The following SPG7 variants were observed in gnomAD, a reference collection of about 807,000 sequenced individuals.
SPG7 encodes SPG7 matrix AAA peptidase subunit, paraplegin, also known as mitochondrial inner membrane m-AAA protease component paraplegin.
A neutral mutation model predicts 81.9 loss-of-function variants in SPG7; 103 were observed. That is an observed-to-expected ratio of 1.26 (90% confidence interval 1.07 to 1.48). SPG7 has a LOEUF of 1.48. Ranked by LOEUF, SPG7 falls within the 40% of genes most tolerant of loss-of-function variation. The pLI, the probability that SPG7 is intolerant of heterozygous loss-of-function variation, is 0.00. For synonymous variants in SPG7, 534 were observed against 444.2 expected, an observed-to-expected ratio of 1.20 and a Z score of -2.54; for missense variants, 1,241 against 1,087.3, an observed-to-expected ratio of 1.14 and a Z score of -1.99.
At chr16:89,548,781 C>T in intron 12 of SPG7, 1 of 378,338 alleles carries the variant, frequency 2.6e-6, no homozygotes. Context: ...TGGCAACACC[C>T]AGACGTGATC....
intron 9 of SPG7, 140 bp from the exon 10 acceptor site, chr16:89,544,508 C>T (rs2058538199): frequency 1.0e-6 from 1 of 972,400 alleles, no homozygotes; most frequent in Admixed American, 1.9e-5. Context: ...GCTCCTAGTT[C>T]AGAAGGACCG....
intron 12 of SPG7, chr16:89,549,208 A>G (rs752881533): frequency 2.2e-6 from 1 of 456,844 alleles, no homozygotes; most frequent in Non-Finnish European, 4.4e-6. Context: ...ACTGAGTGGG[A>G]ACCACAAGCC....
At chr16:89,518,863 C>A in intron 3 of SPG7, 1 of 152,354 alleles carries the variant, frequency 6.6e-6, no homozygotes, top group Non-Finnish European at 1.5e-5. Flanking sequence ...CATGGGATGA[C>A]CCCGGGGAGC....
Position 89,544,763 on chromosome 16 carries a change from C to A in SPG7, c.1440C>A (p.Pro480=). The A allele has an allele frequency of 6.2e-7, 1 of 1,614,064 alleles. No individual in the cohort carries two copies. The highest frequency in any genetic ancestry group is 8.5e-7 in the Non-Finnish European group (1 of 1,179,986). The change falls in exon 10 of 17, where the codon CCC becomes CCA. Residue 480 remains proline (P), a synonymous_variant. Transcript: ENST00000645818. ...RLDRHVFIDL[P]TLQERREIFE... ...ACCGGCACGTCTTCATTGATCTCCC[C>A]ACGCTGCAGGTCAGAGCCAGGATCC...
chr16:89,540,734 G>A (rs2056310), intron 9 of SPG7: 64,538 of 243,076 alleles, frequency 0.27, 9,469 homozygotes, highest in Middle Eastern at 0.41. Flanking sequence ...AAAACTAAAC[G>A]TGTGCTCACC....
intron 9 of SPG7, among the ~76,000 whole-genome samples, chr16:89,535,803 CA>C (rs2058406183): frequency 6.6e-6 from 1 of 152,234 alleles, no homozygotes; most frequent in African/African-American, 2.4e-5. Context: ...TGCTTCTCTG[CA>C]GAGCATCTTT....
intron 2 of SPG7, among the ~76,000 whole-genome samples, chr16:89,511,341 A>G (rs1466525137): frequency 6.6e-6 from 1 of 152,220 alleles, no homozygotes; most frequent in Non-Finnish European, 1.5e-5. Context: ...ACCTTGTGAC[A>G]TTCTTTGGTC....
intron 16 of SPG7, chr16:89,555,894 C>T (rs1002328035): frequency 1.3e-5 from 5 of 398,800 alleles, no homozygotes; most frequent in South Asian, 1.3e-4. Context: ...CTGTGTGTCA[C>T]GTGGGGATCG....
intron 5 of SPG7, chr16:89,528,487 G>T (rs2058297136): frequency 6.6e-6 from 1 of 152,084 alleles, no homozygotes; most frequent in Non-Finnish European, 1.5e-5. Context: ...GAAGATGGAG[G>T]GTTGGGGCAG....
chr16:89,513,075 C>G (rs760883445), intron 3 of SPG7, 38 bp downstream of exon 3: 2 of 1,568,218 alleles, frequency 1.3e-6, no homozygotes, highest in Non-Finnish European at 1.7e-6. Flanking sequence ...GTAGCTGCCT[C>G]TGGATGTCTT....
At chr16:89,534,931 T>C (rs1472481350) in intron 9 of SPG7, among the ~76,000 whole-genome samples, 1 of 152,240 alleles carries the variant, frequency 6.6e-6, no homozygotes, top group Non-Finnish European at 1.5e-5. Flanking sequence ...AGACAGGGTC[T>C]TGCTGTGTTG....
At chr16:89,516,072 C>A (rs1040957392) in intron 3 of SPG7, among the ~76,000 whole-genome samples, 1 of 151,878 alleles carries the variant, frequency 6.6e-6, no homozygotes, top group Non-Finnish European at 1.5e-5. Context: ...ACTGGAACCT[C>A]TGCCTCCTGG....
intron 9 of SPG7, chr16:89,538,026 G>C (rs565756671): frequency 6.6e-6 from 1 of 152,596 alleles, no homozygotes; most frequent in South Asian, 2.1e-4. Flanking sequence ...TGCGAGCACT[G>C]CCGAGCCCTG....
At chr16:89,517,287 G>A (rs8050694) in intron 3 of SPG7, 56,867 of 134,780 alleles carry the variant, frequency 0.42, 14,231 homozygotes, top group East Asian at 0.65. Context: ...GGTTCCTGGA[G>A]GGAATGGCAT....
intron 9 of SPG7, chr16:89,533,303 G>A (rs531751316): frequency 2.0e-5 from 3 of 152,446 alleles, no homozygotes; most frequent in South Asian, 4.1e-4. Context: ...GAGTAGCTGA[G>A]ACTACAGGCG....
chr16:89,532,790 A>T, intron 9 of SPG7, 154 bp downstream of exon 9: 1 of 938,360 alleles, frequency 1.1e-6, no homozygotes, highest in South Asian at 1.4e-5. Flanking sequence ...AAAAATAGAA[A>T]TGTAGCTTTC....
intron 7 of SPG7, chr16:89,531,178 C>T (rs985685520): frequency 2.7e-6 from 1 of 370,230 alleles, no homozygotes; most frequent in African/African-American, 2.1e-5. Flanking sequence ...CTCCGCGGGC[C>T]TGGTACGGTG....
At chr16:89,529,049 T>C in intron 5 of SPG7, 3 of 276,326 alleles carry the variant, frequency 1.1e-5, no homozygotes, top group Admixed American at 4.9e-5. Context: ...CCTGACCTTG[T>C]GATTCACCCG....
intron 13 of SPG7, chr16:89,552,309 C>T (rs1170813892): frequency 6.5e-6 from 1 of 154,988 alleles, no homozygotes; most frequent in African/African-American, 2.4e-5. Flanking sequence ...AATCTGCCCA[C>T]CTCTAACTCC....
Sources: gnomAD v4.1 joint callset for allele counts (sites outside exome capture counted in the v4.1 genomes callset) on GRCh38, gnomAD v4.1.1 for gene constraint, MANE v1.5 for transcripts, NCBI Gene and HGNC (gene_info 2026-07-23, HGNC 2026-07-21) for gene names.